HIVEP1: variants seen among roughly 807,000 people sequenced by gnomAD.
The protein encoded by HIVEP1 is zinc finger protein 40.
HIVEP1 carries 36 observed loss-of-function variants against 180.0 expected under a neutral mutation model. The observed-to-expected ratio is 0.20, with a 90% CI of 0.15 to 0.26. The LOEUF (loss-of-function observed/expected upper bound fraction) is 0.26. HIVEP1 is among the 10% of genes least tolerant of loss of function. The probability of loss-of-function intolerance (pLI) is 1.00; values close to 1 mark genes in which losing one functional copy is unlikely to be tolerated. For missense variants in HIVEP1, 3,143 were observed against 3,268.7 expected (o/e 0.96, Z 0.94); for synonymous variants, 1,239 against 1,239.0 (o/e 1.00, Z 0.00).
At chr6:12,075,822 A>T (rs941073203) in intron 2 of HIVEP1, among the ~76,000 whole-genome samples, 1 of 152,186 alleles carries the variant, frequency 6.6e-6, no homozygotes, top group African/African-American at 2.4e-5. Context: ...ACGATAAGGG[A>T]TATCTTTTCA....
At chr6:12,186,578 A>ACGGTAAATG in the HIVEP1 span, among the ~76,000 whole-genome samples, 1 of 151,300 alleles carries the variant, frequency 6.6e-6, no homozygotes, top group Non-Finnish European at 1.5e-5. Flanking sequence ...TACTAACCAT[A>ACGGTAAATG]CGGTAAATGC....
At chr6:12,100,256 A>G (rs553418976) in intron 3 of HIVEP1, among the ~76,000 whole-genome samples, 1 of 152,338 alleles carries the variant, frequency 6.6e-6, no homozygotes, top group South Asian at 2.1e-4. Flanking sequence ...GAGTGCTAGT[A>G]AACTATCTGC....
intron 2 of HIVEP1, among the ~76,000 whole-genome samples, chr6:12,078,254 C>A (rs1228548164): frequency 1.3e-5 from 2 of 152,052 alleles, no homozygotes; most frequent in Non-Finnish European, 2.9e-5. Flanking sequence ...TTAAGAACGT[C>A]TGAAAGAATA....
chr6:12,017,174 CT>C (rs1767832746), intron 2 of HIVEP1, among the ~76,000 whole-genome samples: 1 of 152,150 alleles, frequency 6.6e-6, no homozygotes, highest in Non-Finnish European at 1.5e-5. Flanking sequence ...GCCATAGGCT[CT>C]TTTCCTTTCT....
chr6:12,011,918 C>G (rs1304853815), upstream of HIVEP1: 5 of 144,346 alleles, frequency 3.5e-5, no homozygotes, highest in Non-Finnish European at 6.2e-5. Flanking sequence ...CCTCCCGCCC[C>G]CGGGGATCCC....
Position 12,121,942 on chromosome 6 carries a change from C to A in HIVEP1, c.2147C>A (p.Thr716Lys). 2 of 1,614,152 alleles carry A rather than the reference C, an allele frequency of 1.2e-6. No individual in the cohort carries two copies. Among genetic ancestry groups the A allele is most frequent in the Non-Finnish European group, 1.7e-6 (2 of 1,180,012 alleles). Reference protein sequence around the residue: ...SNGPSAALVTTSTPSALPTGE... With the variant: ...SNGPSAALVTKSTPSALPTGE... ...GGACCCTCTGCAGCTCTTGTCACCACGTCAACACCCTCTGCTTTGCCCACA... is the reference window on the plus strand; with the variant it reads ...GGACCCTCTGCAGCTCTTGTCACCAAGTCAACACCCTCTGCTTTGCCCACA... Residue 716 changes from threonine (T) to lysine (K), a missense_variant, in exon 4 of 9, where the codon ACG (threonine) becomes AAG (lysine). Transcript: ENST00000379388. The surrounding 1 kb of genome is among the most constrained non-coding windows in gnomAD (Gnocchi z 5.3).
In HIVEP1 at chr6:12,121,377, T is replaced by G; in HGVS notation, c.1582T>G (p.Leu528Val). The change falls in exon 4 of 9, where the codon TTA becomes GTA. Residue 528 changes from leucine (L) to valine (V), a missense_variant. By Grantham distance (32) the Leu-to-Val change is conservative. Coordinates refer to ENST00000379388, the MANE Select transcript of HIVEP1 (RefSeq NM_002114.4). The surrounding 1 kb of genome is among the most constrained non-coding windows in gnomAD (Gnocchi z 5.3). ...AAAGAGGATGTCAAATGCTGAAACT[T>G]TACTAAAATCAAGCTTCACTCCAAG... Reference protein sequence around the residue: ...IIKRMSNAETLLKSSFTPSSP... With the variant: ...IIKRMSNAETVLKSSFTPSSP... 2 of 1,614,026 alleles carry G rather than the reference T, an allele frequency of 1.2e-6. No individual in the cohort carries two copies. The highest frequency in any genetic ancestry group is 1.7e-6 in the Non-Finnish European group (2 of 1,179,994).
At chr6:12,104,396 T>TTC (rs70981664) in intron 3 of HIVEP1, among the ~76,000 whole-genome samples, 8,933 of 126,494 alleles carry the variant, frequency 0.071, 379 homozygotes, top group Middle Eastern at 0.13. Flanking sequence ...CTCTCTTCGT[T>TTC]TCTCTCTCTC....
intron 2 of HIVEP1, among the ~76,000 whole-genome samples, chr6:12,071,565 A>AT (rs1434379355): frequency 1.3e-5 from 2 of 152,204 alleles, no homozygotes; most frequent in Non-Finnish European, 2.9e-5. Context: ...CAAATTATTA[A>AT]TTTTTTAAGA....
chr6:12,177,056 C>T, the HIVEP1 span, among the ~76,000 whole-genome samples: 5,711 of 152,238 alleles, frequency 0.038, 107 homozygotes, highest in Non-Finnish European at 0.045. Flanking sequence ...AGCAAACTAA[C>T]GCAGGAACAG....
At chr6:12,106,455 C>T (rs1266582325) in intron 3 of HIVEP1, among the ~76,000 whole-genome samples, 2 of 151,988 alleles carry the variant, frequency 1.3e-5, no homozygotes, top group African/African-American at 4.8e-5. Context: ...TTAGAATTTT[C>T]TGTGCGAAAT....
In HIVEP1 at chr6:12,133,607, T is replaced by C. The variant is rs753828454; in HGVS notation, c.6386-2184T>C. 1.3e-4 allele frequency among the ~76,000 whole-genome samples: 20 copies of C among 152,238 alleles called. 1 individual carries two copies. Among genetic ancestry groups the C allele is most frequent in the Non-Finnish European group, 4.4e-5 (3 of 68,042 alleles). On this transcript the variant is annotated intron_variant, in intron 6 of 8. Transcript: ENST00000379388. ...TATGCTTACTAAAAACTTATATTTCTGAATTTGTCTAGTTACAATTATACA... is the reference window on the plus strand; with the variant it reads ...TATGCTTACTAAAAACTTATATTTCCGAATTTGTCTAGTTACAATTATACA...
At chr6:12,184,014 T>TAGACAGAC in the HIVEP1 span, among the ~76,000 whole-genome samples, 21 of 139,642 alleles carry the variant, frequency 1.5e-4, no homozygotes, top group Non-Finnish European at 2.7e-4. Flanking sequence ...GATAGATAGA[T>TAGACAGAC]AGATAGATAG....
intron 2 of HIVEP1, among the ~76,000 whole-genome samples, chr6:12,032,942 T>C (rs78555263): frequency 1.1e-3 from 171 of 152,364 alleles, no homozygotes; most frequent in African/African-American, 3.9e-3. Flanking sequence ...AGTGATTTCC[T>C]TTCTAAAGTA....
chr6:12,058,577 G>A (rs1017676088), intron 2 of HIVEP1, among the ~76,000 whole-genome samples: 1 of 152,164 alleles, frequency 6.6e-6, no homozygotes, highest in Non-Finnish European at 1.5e-5. Flanking sequence ...TGCCCTTAAA[G>A]TCTAGCCTAA....
chr6:12,100,008 A>G (rs1452560775), intron 3 of HIVEP1, among the ~76,000 whole-genome samples: 1 of 152,218 alleles, frequency 6.6e-6, no homozygotes, highest in Middle Eastern at 3.2e-3. Flanking sequence ...TCATTGAATC[A>G]GGAAGACTCA....
Position 12,154,968 on chromosome 6 carries a change from T to C in HIVEP1, c.6488-6471T>C, listed in dbSNP as rs1317775803. On this transcript the variant is annotated intron_variant, in intron 7 of 8. Transcript: ENST00000379388. The stretch of plus-strand genomic sequence containing the variant: ...TCCTTGCCTTTCTCTATTTTTCTTT[T>C]TTCAATGTCATCATTTCTGTTCTTA... Among the ~76,000 whole-genome samples, 3 of 152,238 alleles carry C rather than the reference T, an allele frequency of 2.0e-5. No individual in the cohort carries two copies. In the East Asian group the frequency reaches 5.8e-4, roughly 29 times the overall value.
chr6:12,089,083 T>C (rs1427190434), intron 2 of HIVEP1, 101 bp from the exon 3 acceptor site: 1 of 597,378 alleles, frequency 1.7e-6, no homozygotes, highest in Non-Finnish European at 3.0e-6. Flanking sequence ...ACACATTTTT[T>C]ACTAGGTATC....
chr6:12,026,348 TA>T (rs1204717838), intron 2 of HIVEP1, among the ~76,000 whole-genome samples: 1 of 152,208 alleles, frequency 6.6e-6, no homozygotes, highest in African/African-American at 2.4e-5. Context: ...TCTTCTTAAC[TA>T]AAACCTGAAT....
Sources: gnomAD v4.1 joint callset for allele counts (sites outside exome capture counted in the v4.1 genomes callset) on GRCh38, gnomAD v4.1.1 for gene constraint, Gnocchi (gnomAD v3.1) non-coding constraint, MANE v1.5 for transcripts, NCBI Gene and HGNC (gene_info 2026-07-23, HGNC 2026-07-21) for gene names.